The following PRMT8 variants were observed in gnomAD, a reference collection of about 807,000 sequenced individuals.
The protein encoded by PRMT8 is protein arginine methyltransferase 8.
PRMT8 carries 7 observed loss-of-function variants against 47.1 expected under a neutral mutation model. The observed-to-expected ratio is 0.15, with a 90% CI of 0.08 to 0.28. PRMT8 has a LOEUF of 0.28. PRMT8 is among the 10% of genes least tolerant of loss of function. The pLI is 1.00. For synonymous variants in PRMT8, 188 were observed against 186.5 expected (o/e 1.01, Z -0.07); for missense variants, 237 against 505.4 (o/e 0.47, Z 5.09).
At position 3,513,256 on chromosome 12, in the gene PRMT8, C is replaced by T. The variant is rs11610843; in HGVS notation, c.75+21556C>T. On this transcript the variant is annotated intron_variant, in intron 1 of 9. Transcript: ENST00000382622. ...CATCACCCAGTCGTCTCAGAAAGTTCTCTGTTCCTCTTTCCCTCAGGACAA... is the reference window on the plus strand; with the variant it reads ...CATCACCCAGTCGTCTCAGAAAGTTTTCTGTTCCTCTTTCCCTCAGGACAA... Among the ~76,000 whole-genome samples the T allele has an allele frequency of 3.2e-4, 48 of 152,278 alleles. 1 individual carries two copies. Among genetic ancestry groups the T allele is most frequent in the Non-Finnish European group, 6.0e-4 (41 of 68,014 alleles).
intron 1 of PRMT8, among the ~76,000 whole-genome samples, chr12:3,401,263 T>C (rs1864313598): frequency 6.6e-6 from 1 of 150,968 alleles, no homozygotes; most frequent in African/African-American, 2.4e-5. Flanking sequence ...AGTCCTTTGA[T>C]AAAATTCAAC....
intron 1 of PRMT8, among the ~76,000 whole-genome samples, chr12:3,411,194 A>G (rs1864426200): frequency 6.6e-6 from 1 of 152,204 alleles, no homozygotes; most frequent in Non-Finnish European, 1.5e-5. Flanking sequence ...TGGTTACAGC[A>G]GTTTGACAAG....
chr12:3,467,057 G>A (rs895589023), intron 1 of PRMT8, among the ~76,000 whole-genome samples: 2 of 151,908 alleles, frequency 1.3e-5, no homozygotes, highest in African/African-American at 4.8e-5. Flanking sequence ...CTAACACACG[G>A]GGAAACCCCG....
intron 4 of PRMT8, among the ~76,000 whole-genome samples, chr12:3,554,502 T>C (rs866090303): frequency 2.0e-5 from 3 of 152,264 alleles, no homozygotes; most frequent in African/African-American, 2.4e-5. Context: ...AGAGAGGAAC[T>C]GGTAGACAGG....
chr12:3,552,879 G>C lies in PRMT8; in HGVS notation c.418-772G>C, dbSNP rs1260058995. On this transcript the variant is annotated intron_variant, in intron 3 of 9. Transcript: ENST00000382622. The surrounding 1 kb of genome is among the most constrained non-coding windows in gnomAD (Gnocchi z 4.5). The stretch of plus-strand genomic sequence containing the variant: ...TTAGCACAGGCCAGCCTCTGTAAGA[G>C]AGCCGGCTCCGGAGGTGAGGACGGC... The C allele has an allele frequency of 7.1e-6, 3 of 422,278 alleles. No individual in the cohort carries two copies. The highest frequency in any genetic ancestry group is 2.0e-5 in the African/African-American group (1 of 48,824). 26.2% of individuals were successfully genotyped at this position (422,278 alleles called of 1,614,324 possible).
intron 4 of PRMT8, among the ~76,000 whole-genome samples, chr12:3,563,066 G>A (rs1459978053): frequency 6.6e-6 from 1 of 151,992 alleles, no homozygotes; most frequent in Non-Finnish European, 1.5e-5. Flanking sequence ...ATGGTGCTGG[G>A]TATCTGCCAG....
chr12:3,415,170 G>A (rs1220358296), intron 1 of PRMT8, among the ~76,000 whole-genome samples: 1 of 152,092 alleles, frequency 6.6e-6, no homozygotes, highest in African/African-American at 2.4e-5. Flanking sequence ...ATTTGCCAGT[G>A]TATTGTAAGG....
chr12:3,386,742 C>T (rs888837269), intron 1 of PRMT8, among the ~76,000 whole-genome samples: 1 of 149,908 alleles, frequency 6.7e-6, no homozygotes, highest in Non-Finnish European at 1.5e-5. Context: ...TGGAGTCTTT[C>T]CCTGTCATCC....
At chr12:3,389,391 C>T (rs1864170913) in intron 1 of PRMT8, among the ~76,000 whole-genome samples, 1 of 152,168 alleles carries the variant, frequency 6.6e-6, no homozygotes, top group Admixed American at 6.5e-5. Context: ...GCTCGCCCAG[C>T]CCTTGGTCCT....
intron 1 of PRMT8, among the ~76,000 whole-genome samples, chr12:3,468,048 T>A (rs1477976891): frequency 1.3e-5 from 2 of 152,232 alleles, no homozygotes; most frequent in African/African-American, 4.8e-5. Context: ...AGAACTCACC[T>A]GTGGCTGAAC....
At chr12:3,490,051 G>A (rs1865364100), upstream of PRMT8, among the ~76,000 whole-genome samples, 2 of 152,124 alleles carry the variant, frequency 1.3e-5, no homozygotes, top group Non-Finnish European at 2.9e-5. Flanking sequence ...GGACAGTCAG[G>A]CTCACACTTC....
At chr12:3,560,051 A>G (rs2137192123) in intron 4 of PRMT8, among the ~76,000 whole-genome samples, 1 of 152,130 alleles carries the variant, frequency 6.6e-6, no homozygotes, top group South Asian at 2.1e-4. Flanking sequence ...AGGTCCAGGG[A>G]CCTCCATAAA....
intron 1 of PRMT8, among the ~76,000 whole-genome samples, chr12:3,447,258 C>CT (rs1864868184): frequency 6.6e-6 from 1 of 152,312 alleles, no homozygotes; most frequent in African/African-American, 2.4e-5. Flanking sequence ...TATGAAGCAG[C>CT]TATTCTCTTC....
chr12:3,568,988 G>A, intron 5 of PRMT8, 140 bp downstream of exon 5: 1 of 1,171,746 alleles, frequency 8.5e-7, no homozygotes, highest in South Asian at 1.5e-5. Flanking sequence ...CCTCTCTCTA[G>A]AGCAGATCTG....
intron 8 of PRMT8, among the ~76,000 whole-genome samples, chr12:3,590,232 C>T (rs908267292): frequency 4.6e-5 from 7 of 152,202 alleles, no homozygotes; most frequent in Admixed American, 2.0e-4. Context: ...AATGCACACA[C>T]GGAGGGCTAC....
In PRMT8 at chr12:3,591,407, CTTTT is replaced by C. The variant is rs34619063; in HGVS notation, c.980-806_980-803del. 7.7e-3 allele frequency among the ~76,000 whole-genome samples: 891 copies of C among 115,714 alleles called. 9 individuals are homozygous for C. Among genetic ancestry groups the C allele is most frequent in the African/African-American group, 0.029 (857 of 29,772 alleles). 75.9% of individuals were successfully genotyped at this position (115,714 alleles called of 152,430 possible). ...CACAGAGAAGCAGGCAGGGAAAGCT[CTTTT>C]TTTTTTTTTTTTTTTTTGAGACAGG... On this transcript the variant is annotated intron_variant, in intron 8 of 9. Transcript: ENST00000382622.
At position 3,564,632 on chromosome 12, in the gene PRMT8, C is replaced by G. The variant is rs937671098; in HGVS notation, c.482-4074C>G. On this transcript the variant is annotated intron_variant, in intron 4 of 9. Coordinates refer to ENST00000382622, the MANE Select transcript of PRMT8 (RefSeq NM_019854.5). The surrounding 1 kb of genome is among the most constrained non-coding windows in gnomAD (Gnocchi z 4.0). ...CAGAGTCCTGTCATAGTTCGTTGAA[C>G]AAACTTTCCATCATCCTTCTGGAAT... Among the ~76,000 whole-genome samples, 4 of 152,214 alleles carry G rather than the reference C, an allele frequency of 2.6e-5. No homozygotes were observed. The highest frequency in any genetic ancestry group is 5.9e-5 in the Non-Finnish European group (4 of 68,028).
At chr12:3,413,221 A>G (rs1864449879) in intron 1 of PRMT8, among the ~76,000 whole-genome samples, 1 of 152,150 alleles carries the variant, frequency 6.6e-6, no homozygotes. Context: ...CATGGTAGTG[A>G]ATACGTCTCA....
rs1866871193 is a variant in PRMT8 at position 3,572,777 on chromosome 12, C to G, written c.712+3213C>G. Among the ~76,000 whole-genome samples, 1 of 152,236 alleles carries G rather than the reference C, an allele frequency of 6.6e-6. No individual in the cohort carries two copies. The highest frequency in any genetic ancestry group is 2.4e-5 in the African/African-American group (1 of 41,466). On this transcript the variant is annotated intron_variant, in intron 6 of 9. Coordinates refer to ENST00000382622, the MANE Select transcript of PRMT8 (RefSeq NM_019854.5). The surrounding 1 kb of genome is among the most constrained non-coding windows in gnomAD (Gnocchi z 5.9). ...ATTTTTCTCTGACCTCATTCTGAGG[C>G]AGTCCCATTAGCCTCATCAGAGAAA...
Sources: gnomAD v4.1 joint callset for allele counts (sites outside exome capture counted in the v4.1 genomes callset) on GRCh38, gnomAD v4.1.1 for gene constraint, Gnocchi (gnomAD v3.1) non-coding constraint, MANE v1.5 for transcripts, NCBI Gene and HGNC (gene_info 2026-07-23, HGNC 2026-07-21) for gene names.